Variants in PAXIP1 observed in about 807,000 individuals in gnomAD.
The protein encoded by PAXIP1 is PAX interacting protein 1.
Under a neutral mutation model 140.6 loss-of-function variants are expected in PAXIP1, and 19 were observed. That is an observed-to-expected ratio of 0.14 (90% confidence interval 0.09 to 0.20). The LOEUF (loss-of-function observed/expected upper bound fraction) is 0.20. Among genes scored for constraint, PAXIP1 ranks in the 10% least tolerant of loss-of-function variants. The probability of loss-of-function intolerance (pLI) is 1.00; values close to 1 mark genes in which losing one functional copy is unlikely to be tolerated. For missense variants in PAXIP1, 920 were observed against 1,208.6 expected (o/e 0.76, Z 3.54); for synonymous variants, 442 against 444.6 (o/e 0.99, Z 0.07).
At chr7:154,985,685 T>G (rs1810036553) in intron 4 of PAXIP1, among the ~76,000 whole-genome samples, 1 of 152,154 alleles carries the variant, frequency 6.6e-6, no homozygotes, top group African/African-American at 2.4e-5. Flanking sequence ...AATAAAAGCT[T>G]TCCTTTAAAC....
intron 4 of PAXIP1, among the ~76,000 whole-genome samples, chr7:154,987,936 C>T (rs1810150621): frequency 6.6e-6 from 1 of 152,180 alleles, no homozygotes. Flanking sequence ...AGCTCCTGGA[C>T]CAGTTTTACC....
intron 5 of PAXIP1, among the ~76,000 whole-genome samples, chr7:154,982,174 G>T (rs1809868222): frequency 6.6e-6 from 1 of 152,120 alleles, no homozygotes; most frequent in South Asian, 2.1e-4. Context: ...AAACTGTCAT[G>T]GAAAATATGT....
chr7:154,991,136 T>C, intron 3 of PAXIP1, 67 bp from the exon 4 acceptor site: 1 of 759,580 alleles, frequency 1.3e-6, no homozygotes, highest in African/African-American at 1.8e-5. Context: ...CTAACAGACA[T>C]TACCCACCCA....
At position 154,998,719 on chromosome 7, in the gene PAXIP1, T is replaced by G. The variant is rs924130742; in HGVS notation, c.147A>C (p.Ile49=). The G allele has an allele frequency of 4.3e-6, 7 of 1,613,328 alleles. No individual in the cohort carries two copies. In the Admixed American group the frequency reaches 1.2e-4, roughly 27 times the overall value. The change falls in exon 2 of 21, where the codon ATA becomes ATC. Residue 49 remains isoleucine, a synonymous_variant. Coordinates refer to ENST00000404141, the MANE Select transcript of PAXIP1 (RefSeq NM_007349.4). ...CTGGATTGTCCCCATCCTCTGAGAT[T>G]ATGTGTGAGGCTAGTGCATTGTAGG... The part of the protein sequence containing the change: ...EVSYNALASH[I]ISEDGDNPEV...
Position 154,990,261 on chromosome 7 carries a change from A to T in PAXIP1, c.324+745T>A, listed in dbSNP as rs537896752. On this transcript the variant is annotated intron_variant, in intron 4 of 20. Coordinates refer to ENST00000404141, the MANE Select transcript of PAXIP1 (RefSeq NM_007349.4). ...TCGCCACGTTTGCCAGGCTGGTTTC[A>T]AACCCCTGACCTCAGGTGATCCGCC... 2.6e-5 allele frequency among the ~76,000 whole-genome samples: 4 copies of T among 152,160 alleles called. No homozygotes were observed. The South Asian group carries it at 8.3e-4, about 32-fold the overall frequency.
rs570459321 is a variant in PAXIP1 at position 154,955,576 on chromosome 7, C to A, written c.2605G>T (p.Val869Leu). The change falls in exon 15 of 21, where the codon GTG (valine) becomes TTG (leucine). Residue 869 changes from valine to leucine, a missense_variant. Coordinates refer to ENST00000404141, the MANE Select transcript of PAXIP1 (RefSeq NM_007349.4). ...ACAGGCTCGAATCCAGTGAAAAGCA[C>A]AAAAGGGGTCAATTCTGGAGTTAGC... ...KKLTPELTPF[V>L]LFTGFEPVQV... 5 of 1,606,732 alleles carry A rather than the reference C, an allele frequency of 3.1e-6. No homozygotes were observed. In the East Asian group the frequency reaches 1.1e-4, roughly 36 times the overall value.
Position 154,963,628 on chromosome 7 carries a change from G to T in PAXIP1, c.1989+43C>A. On this transcript the variant is annotated intron_variant, in intron 9 of 20. Transcript: ENST00000404141. The surrounding 1 kb of genome is among the most constrained non-coding windows in gnomAD (Gnocchi z 4.1). ...GCATTTAAGATTGCATATTAAAAAT[G>T]CCAGACCTTGCTCCTGGTCGCAGCT... The T allele has an allele frequency of 7.5e-7, 1 of 1,336,780 alleles. No individual in the cohort carries two copies. Among genetic ancestry groups the T allele is most frequent in the Non-Finnish European group, 1.1e-6 (1 of 940,032 alleles). 82.8% of individuals were successfully genotyped at this position (1,336,780 alleles called of 1,614,324 possible). A position where few individuals can be genotyped will look rare whatever the true frequency, so the allele number is the denominator to read the frequency against.
chr7:154,968,834 T>C lies in PAXIP1; in HGVS notation c.1367A>G (p.Gln456Arg), dbSNP rs1809157178. Residue 456 changes from glutamine (Q) to arginine (R), a missense_variant, in exon 7 of 21, where the codon CAG (glutamine) becomes CGG (arginine). Gln to Arg is a conservative substitution (Grantham distance 43). Transcript: ENST00000404141. ...TGAAAACTGATGCGGATGGGCTTGCTGCTGCTGCTGCTGTTGCTGTGAAAA... is the reference window on the plus strand; with the variant it reads ...TGAAAACTGATGCGGATGGGCTTGCCGCTGCTGCTGCTGTTGCTGTGAAAA... ...HPFSQQQQQQ[Q>R]QAHPHQFSQQ... 1 of 751,186 alleles carries C rather than the reference T, an allele frequency of 1.3e-6. No homozygotes were observed. The highest frequency in any genetic ancestry group is 2.4e-6 in the Non-Finnish European group (1 of 415,094). 46.5% of individuals were successfully genotyped at this position (751,186 alleles called of 1,614,324 possible). A position where few individuals can be genotyped will look rare whatever the true frequency, so the allele number is the denominator to read the frequency against.
intron 8 of PAXIP1, chr7:154,965,295 T>A (rs1808956620): frequency 6.6e-6 from 1 of 152,316 alleles, no homozygotes. Flanking sequence ...CAGCCTCCGC[T>A]GGCATCCTGA....
chr7:154,971,755 C>A (rs1809341847), intron 6 of PAXIP1, among the ~76,000 whole-genome samples: 1 of 152,184 alleles, frequency 6.6e-6, no homozygotes, highest in Non-Finnish European at 1.5e-5. Context: ...ATACACATCA[C>A]ATGGCTTCTA....
intron 5 of PAXIP1, 69 bp downstream of exon 5, chr7:154,983,150 A>G (rs1044203070): frequency 1.5e-5 from 11 of 742,822 alleles, no homozygotes; most frequent in Non-Finnish European, 2.2e-5. Context: ...AAGAAGCTCA[A>G]AAAAGACATG....
intron 8 of PAXIP1, 101 bp downstream of exon 8, chr7:154,967,715 C>G (rs1809085950): frequency 1.3e-6 from 1 of 749,012 alleles, no homozygotes; most frequent in Non-Finnish European, 2.3e-6. Context: ...AGAACACGTG[C>G]AGGTGCAGCT....
At chr7:154,958,089 T>C (rs1808607266) in intron 13 of PAXIP1, among the ~76,000 whole-genome samples, 2 of 151,760 alleles carry the variant, frequency 1.3e-5, no homozygotes, top group South Asian at 4.2e-4. Flanking sequence ...AGATGTTACA[T>C]GACAATCAGA....
At chr7:154,965,747 A>C (rs1403718832) in intron 8 of PAXIP1, 1 of 152,216 alleles carries the variant, frequency 6.6e-6, no homozygotes, top group Non-Finnish European at 1.5e-5. Context: ...ATATGCGTTA[A>C]TTGCCTGTTT....
At chr7:154,966,631 C>A (rs1186819179) in intron 8 of PAXIP1, among the ~76,000 whole-genome samples, 1 of 152,216 alleles carries the variant, frequency 6.6e-6, no homozygotes, top group Non-Finnish European at 1.5e-5. Context: ...ACACTTCTGA[C>A]TTTTAAAAAA....
intron 2 of PAXIP1, 134 bp from the exon 3 acceptor site, chr7:154,993,903 T>C (rs1810460942): frequency 1.6e-6 from 1 of 642,820 alleles, no homozygotes; most frequent in South Asian, 2.0e-5. Flanking sequence ...AGTATGAATA[T>C]TCAAATAGAA....
At position 154,946,655 on chromosome 7, in the gene PAXIP1, G is replaced by A. The variant is rs200215885; in HGVS notation, c.3057+24C>T. ...TGTGATACAGGGCAATGACGGACTC[G>A]CTGGCGGACTCCACTCTACCCACCG... On this transcript the variant is annotated intron_variant, in intron 18 of 20. Transcript: ENST00000404141. The surrounding 1 kb of genome is among the most constrained non-coding windows in gnomAD (Gnocchi z 4.9). 15,404 of 1,613,480 alleles carry A rather than the reference G, an allele frequency of 9.5e-3. 103 individuals are homozygous for A. Among genetic ancestry groups the A allele is most frequent in the Non-Finnish European group, 0.012 (14,035 of 1,179,608 alleles).
In PAXIP1 at chr7:154,954,373, T is replaced by C. The variant is rs1439646320; in HGVS notation, c.2703A>G (p.Thr901=). ...GEVAESAQKC[T]HLIASKVTRT... is the part of the protein sequence containing the mutation. ...GAGTCACTTTGCTGGCAATGAGGTG[T>C]GTGCACTTCTGTGCAGACTCCGCAA... Residue 901 remains threonine (T), a synonymous_variant, in exon 16 of 21, where the codon ACA becomes ACG. Transcript: ENST00000404141. The surrounding 1 kb of genome is among the most constrained non-coding windows in gnomAD (Gnocchi z 5.1). 1 of 1,602,804 alleles carries C rather than the reference T, an allele frequency of 6.2e-7. No homozygotes were observed. Among genetic ancestry groups the C allele is most frequent in the South Asian group, 1.1e-5 (1 of 90,064 alleles).
chr7:154,987,902 T>C (rs990687983), intron 4 of PAXIP1, among the ~76,000 whole-genome samples: 2 of 152,196 alleles, frequency 1.3e-5, no homozygotes, highest in Non-Finnish European at 2.9e-5. Flanking sequence ...CCAGCCTCTG[T>C]CCTGCCCTGC....
Sources: gnomAD v4.1 joint callset for allele counts (sites outside exome capture counted in the v4.1 genomes callset) on GRCh38, gnomAD v4.1.1 for gene constraint, Gnocchi (gnomAD v3.1) non-coding constraint, MANE v1.5 for transcripts, NCBI Gene and HGNC (gene_info 2026-07-23, HGNC 2026-07-21) for gene names.